The following PCDHGA9 variants were observed in gnomAD, a reference collection of about 807,000 sequenced individuals.
PCDHGA9 encodes protocadherin gamma-A9.
PCDHGA9 carries 37 observed loss-of-function variants against 62.5 expected under a neutral mutation model. The observed-to-expected ratio is 0.59, with a 90% CI of 0.46 to 0.78. The LOEUF is 0.78. PCDHGA9 is among the 30% of genes least tolerant of loss of function. The pLI, the probability that PCDHGA9 is intolerant of heterozygous loss-of-function variation, is 0.00. For synonymous variants in PCDHGA9, 459 were observed against 484.6 expected (o/e 0.95, Z 0.69); for missense variants, 1,138 against 1,166.2 (o/e 0.98, Z 0.35).
chr5:141,460,592 G>C (rs796171299), intron 1 of PCDHGA9, among the ~76,000 whole-genome samples: 12 of 151,976 alleles, frequency 7.9e-5, no homozygotes, highest in African/African-American at 2.9e-4. Flanking sequence ...GTTTTTTCTG[G>C]GCTCTCTGTG....
intron 1 of PCDHGA9, chr5:141,421,399 C>G: frequency 4.3e-6 from 7 of 1,614,046 alleles, no homozygotes; most frequent in Non-Finnish European, 5.1e-6. Context: ...GCTGGAGCCC[C>G]GGGAGCTGGC....
At chr5:141,453,552 A>G (rs1005017830) in intron 1 of PCDHGA9, among the ~76,000 whole-genome samples, 2 of 152,188 alleles carry the variant, frequency 1.3e-5, no homozygotes, top group Non-Finnish European at 2.9e-5. Flanking sequence ...CACACTCTGT[A>G]GATAATCGAT....
intron 1 of PCDHGA9, among the ~76,000 whole-genome samples, chr5:141,458,336 GA>G (rs762646440): frequency 1.3e-5 from 2 of 152,118 alleles, no homozygotes; most frequent in Non-Finnish European, 2.9e-5. Context: ...TGGTTTTAAG[GA>G]GTGGAGAGTT....
intron 1 of PCDHGA9, chr5:141,422,771 T>C (rs2096671394): frequency 6.2e-7 from 1 of 1,613,954 alleles, no homozygotes; most frequent in Non-Finnish European, 8.5e-7. Flanking sequence ...ACTGGTGTTC[T>C]CTATGCCCTA....
intron 3 of PCDHGA9, among the ~76,000 whole-genome samples, chr5:141,508,975 G>T (rs1360718244): frequency 2.6e-5 from 4 of 152,148 alleles, no homozygotes; most frequent in African/African-American, 7.2e-5. Context: ...AAGGGCTGGG[G>T]GTGGGGGCCA....
At chr5:141,418,326 C>T (rs1398536611) in intron 1 of PCDHGA9, 2 of 1,613,986 alleles carry the variant, frequency 1.2e-6, no homozygotes, top group Non-Finnish European at 1.7e-6. Context: ...ATTCTTGAGT[C>T]TGCAGAAGAT....
chr5:141,490,180 C>T lies in PCDHGA9; in HGVS notation c.2425-4627C>T, dbSNP rs747366205. On this transcript the variant is annotated intron_variant, in intron 1 of 3. Coordinates refer to ENST00000573521, the MANE Select transcript of PCDHGA9 (RefSeq NM_018921.3). This position sits in a 1 kb window ranked among gnomAD's most constrained non-coding sequence, Gnocchi z 5.4. ...GGGTCCCATAGACTTTGAGGAGTCACGTTTCTATGAAATTCATGCAAGAGC... is the reference window on the plus strand; with the variant it reads ...GGGTCCCATAGACTTTGAGGAGTCATGTTTCTATGAAATTCATGCAAGAGC... 3 of 1,614,208 alleles carry T rather than the reference C, an allele frequency of 1.9e-6. No individual in the cohort carries two copies. Among genetic ancestry groups the T allele is most frequent in the East Asian group, 2.2e-5 (1 of 44,882 alleles).
At chr5:141,427,584 A>G in intron 1 of PCDHGA9, 1 of 674,672 alleles carries the variant, frequency 1.5e-6, no homozygotes, top group Non-Finnish European at 2.7e-6. Context: ...CTCATCCAGC[A>G]CAAGCCTCAC....
chr5:141,422,850 G>C (rs184432819), intron 1 of PCDHGA9: 30 of 1,614,086 alleles, frequency 1.9e-5, no homozygotes, highest in Middle Eastern at 1.6e-4. Flanking sequence ...GCGGGGACCC[G>C]CCCCTCAGCA....
In PCDHGA9 at chr5:141,493,985, C is replaced by A. The variant is rs1444608753; in HGVS notation, c.2425-822C>A. On this transcript the variant is annotated intron_variant, in intron 1 of 3. Coordinates refer to ENST00000573521, the MANE Select transcript of PCDHGA9 (RefSeq NM_018921.3). This position sits in a 1 kb window ranked among gnomAD's most constrained non-coding sequence, Gnocchi z 4.3. ...GCTGGCCAGAGCCCCACACCTTCAGCTAGGTGGGAGATGGCTACACATCAG... is the reference window on the plus strand; with the variant it reads ...GCTGGCCAGAGCCCCACACCTTCAGATAGGTGGGAGATGGCTACACATCAG... Among the ~76,000 whole-genome samples the A allele has an allele frequency of 6.6e-6, 1 of 152,196 alleles. No individual in the cohort carries two copies. The highest frequency in any genetic ancestry group is 1.5e-5 in the Non-Finnish European group (1 of 68,032).
chr5:141,433,076 C>T, intron 1 of PCDHGA9: 1 of 1,614,188 alleles, frequency 6.2e-7, no homozygotes, highest in Non-Finnish European at 8.5e-7. Context: ...CTTCCCCCAG[C>T]CCAACTATGC....
chr5:141,494,792 C>A lies in PCDHGA9; in HGVS notation c.2425-15C>A. The A allele has an allele frequency of 6.2e-7, 1 of 1,614,132 alleles. No individual in the cohort carries two copies. Among genetic ancestry groups the A allele is most frequent in the East Asian group, 2.2e-5 (1 of 44,878 alleles). Reference sequence around the variant, plus strand: ...TCACGGGTACTCAGCCCCTTTCCCTCTGTTTTCTCCACAGCAAGCCCCGCC... The same window carrying A: ...TCACGGGTACTCAGCCCCTTTCCCTATGTTTTCTCCACAGCAAGCCCCGCC... On this transcript the variant is annotated splice_polypyrimidine_tract_variant and intron_variant, in intron 1 of 3. Transcript: ENST00000573521.
intron 1 of PCDHGA9, among the ~76,000 whole-genome samples, chr5:141,470,825 C>A (rs557419577): frequency 6.6e-6 from 1 of 152,182 alleles, no homozygotes; most frequent in Admixed American, 6.5e-5. Context: ...GTAGTTAGGA[C>A]GACAAACACA....
chr5:141,445,025 C>T (rs2154560886), intron 1 of PCDHGA9, among the ~76,000 whole-genome samples: 2 of 152,200 alleles, frequency 1.3e-5, no homozygotes, highest in Middle Eastern at 6.8e-3. Flanking sequence ...TTTCTCTCAG[C>T]TATGTTGTAT....
intron 1 of PCDHGA9, chr5:141,423,760 G>A: frequency 1.1e-5 from 3 of 279,660 alleles, no homozygotes; most frequent in Non-Finnish European, 1.1e-5. Flanking sequence ...TGGGGGGGGG[G>A]TGGGGCGGCA....
Position 141,487,552 on chromosome 5 carries a change from A to C in PCDHGA9, c.2425-7255A>C. On this transcript the variant is annotated intron_variant, in intron 1 of 3. Coordinates refer to ENST00000573521, the MANE Select transcript of PCDHGA9 (RefSeq NM_018921.3). The surrounding 1 kb of genome is among the most constrained non-coding windows in gnomAD (Gnocchi z 5.0). ...TCATGATGGTGAAGTCACCCAGTGC[A>C]CCTATGGCAGGGGAGCCTGTTCGCC... is the stretch of plus-strand genomic sequence containing the variant. 2 of 1,614,116 alleles carry C rather than the reference A, an allele frequency of 1.2e-6. No homozygotes were observed. The highest frequency in any genetic ancestry group is 1.7e-6 in the Non-Finnish European group (2 of 1,180,024).
At chr5:141,410,913 G>GC (rs1270456210) in intron 1 of PCDHGA9, 4 of 263,626 alleles carry the variant, frequency 1.5e-5, no homozygotes, top group African/African-American at 1.1e-4. Flanking sequence ...GAGTGCAGTG[G>GC]CGTGATCTCT....
At chr5:141,457,573 C>T (rs934685938) in intron 1 of PCDHGA9, among the ~76,000 whole-genome samples, 3 of 152,206 alleles carry the variant, frequency 2.0e-5, no homozygotes, top group Non-Finnish European at 4.4e-5. Flanking sequence ...CAAAATTTTT[C>T]TCTCCAGTCC....
intron 1 of PCDHGA9, among the ~76,000 whole-genome samples, chr5:141,455,732 A>G (rs1056074268): frequency 6.6e-6 from 1 of 152,190 alleles, no homozygotes; most frequent in Non-Finnish European, 1.5e-5. Context: ...CTGCATTTGC[A>G]TATCAAAGGT....
Sources: gnomAD v4.1 joint callset for allele counts (sites outside exome capture counted in the v4.1 genomes callset) on GRCh38, gnomAD v4.1.1 for gene constraint, Gnocchi (gnomAD v3.1) non-coding constraint, MANE v1.5 for transcripts, NCBI Gene and HGNC (gene_info 2026-07-23, HGNC 2026-07-21) for gene names.